The following ARHGAP10 variants were observed in gnomAD, a reference collection of about 807,000 sequenced individuals.
The protein encoded by ARHGAP10 is rho GTPase-activating protein 10.
ARHGAP10 carries 87 observed loss-of-function variants against 108.6 expected under a neutral mutation model. The observed-to-expected ratio is 0.80, with a 90% CI of 0.67 to 0.96. The LOEUF (loss-of-function observed/expected upper bound fraction) is 0.96. Among genes scored for constraint, ARHGAP10 ranks in the 40% least tolerant of loss-of-function variants. ARHGAP10 has a pLI of 0.00. For missense variants in ARHGAP10, 939 were observed against 954.5 expected (o/e 0.98, Z 0.21); for synonymous variants, 347 against 341.1 (o/e 1.02, Z -0.19).
chr4:147,788,352 C>T (rs752788180), intron 1 of ARHGAP10, among the ~76,000 whole-genome samples: 1 of 152,006 alleles, frequency 6.6e-6, no homozygotes, highest in Admixed American at 6.6e-5. Flanking sequence ...GAGGCTGGGA[C>T]AGGAGAATTG....
At chr4:147,789,304 G>A (rs1226353221) in intron 1 of ARHGAP10, among the ~76,000 whole-genome samples, 1 of 152,118 alleles carries the variant, frequency 6.6e-6, no homozygotes, top group African/African-American at 2.4e-5. Flanking sequence ...TTTTATTTAT[G>A]TTTGAGTCAG....
intron 13 of ARHGAP10, among the ~76,000 whole-genome samples, chr4:147,936,032 G>T (rs889600962): frequency 1.3e-5 from 2 of 152,080 alleles, no homozygotes; most frequent in Non-Finnish European, 2.9e-5. Flanking sequence ...AATTCAGGCC[G>T]TTTTCACAGA....
intron 22 of ARHGAP10, among the ~76,000 whole-genome samples, chr4:148,067,408 C>T (rs1729944625): frequency 6.6e-6 from 1 of 152,210 alleles, no homozygotes. Context: ...ATGGGGTCTT[C>T]CTGTCTGACA....
At chr4:147,969,180 G>T (rs1344381724) in intron 18 of ARHGAP10, among the ~76,000 whole-genome samples, 1 of 152,198 alleles carries the variant, frequency 6.6e-6, no homozygotes, top group Non-Finnish European at 1.5e-5. Flanking sequence ...GGTACTTGTT[G>T]CATTGGCTGT....
chr4:147,832,172 G>C (rs1285684055), intron 3 of ARHGAP10, among the ~76,000 whole-genome samples: 1 of 151,972 alleles, frequency 6.6e-6, no homozygotes, highest in Non-Finnish European at 1.5e-5. Flanking sequence ...GGAGTGATTC[G>C]ATTATTGGGA....
At chr4:147,808,188 C>T (rs182392877) in intron 1 of ARHGAP10, among the ~76,000 whole-genome samples, 4 of 152,194 alleles carry the variant, frequency 2.6e-5, no homozygotes, top group African/African-American at 4.8e-5. Flanking sequence ...CAAAGGCTGT[C>T]GGAGGTGAGC....
chr4:148,042,945 A>G (rs1360450392), intron 19 of ARHGAP10, among the ~76,000 whole-genome samples: 1 of 152,158 alleles, frequency 6.6e-6, no homozygotes, highest in Non-Finnish European at 1.5e-5. Context: ...GTGGCTCTCC[A>G]TGCTGATGCT....
chr4:147,918,896 C>G (rs974651886), intron 13 of ARHGAP10, among the ~76,000 whole-genome samples: 2 of 152,200 alleles, frequency 1.3e-5, no homozygotes, highest in Non-Finnish European at 2.9e-5. Flanking sequence ...AACACTTGCT[C>G]TATTAACTAT....
intron 11 of ARHGAP10, among the ~76,000 whole-genome samples, chr4:147,908,834 C>T (rs1675253600): frequency 6.6e-6 from 1 of 152,154 alleles, no homozygotes; most frequent in Non-Finnish European, 1.5e-5. Flanking sequence ...AAGGACCCTG[C>T]CCCCTTTATC....
At chr4:148,034,484 AT>A (rs76525018) in intron 19 of ARHGAP10, among the ~76,000 whole-genome samples, 2,527 of 139,046 alleles carry the variant, frequency 0.018, 35 homozygotes, top group African/African-American at 0.042. Flanking sequence ...CTCCCGGCTA[AT>A]TTTTTTTTTT....
chr4:147,907,768 C>T (rs1378798959), intron 11 of ARHGAP10, among the ~76,000 whole-genome samples: 2 of 152,110 alleles, frequency 1.3e-5, no homozygotes, highest in African/African-American at 4.8e-5. Context: ...ACACCACCCC[C>T]GCCAAAAACA....
chr4:147,815,545 G>A (rs1167763776), intron 1 of ARHGAP10, among the ~76,000 whole-genome samples: 3 of 152,144 alleles, frequency 2.0e-5, no homozygotes, highest in African/African-American at 7.2e-5. Flanking sequence ...TTAAAAGAGA[G>A]AAGAGATGTG....
intron 18 of ARHGAP10, among the ~76,000 whole-genome samples, chr4:148,012,821 C>T (rs1741215720): frequency 6.6e-6 from 1 of 151,762 alleles, no homozygotes; most frequent in Admixed American, 6.6e-5. Context: ...TGTTTTCTTC[C>T]TTATGATGAC....
intron 18 of ARHGAP10, among the ~76,000 whole-genome samples, chr4:147,992,157 G>C (rs1324708026): frequency 1.3e-5 from 2 of 152,152 alleles, no homozygotes; most frequent in Non-Finnish European, 2.9e-5. Flanking sequence ...TTCTCTTTGA[G>C]AGTGACCCTG....
intron 18 of ARHGAP10, among the ~76,000 whole-genome samples, chr4:147,990,312 T>C (rs1740218625): frequency 6.6e-6 from 1 of 152,236 alleles, no homozygotes; most frequent in Admixed American, 6.5e-5. Context: ...AGTAACATCC[T>C]ACCTAACTAA....
intron 1 of ARHGAP10, among the ~76,000 whole-genome samples, chr4:147,742,740 C>A (rs988533975): frequency 2.1e-4 from 32 of 151,966 alleles, no homozygotes; most frequent in Non-Finnish European, 2.9e-5. Context: ...CTCTCTCGGC[C>A]TCCCAAAGTT....
At chr4:147,848,956 A>G (rs1030077239) in intron 4 of ARHGAP10, among the ~76,000 whole-genome samples, 2 of 152,152 alleles carry the variant, frequency 1.3e-5, no homozygotes, top group African/African-American at 2.4e-5. Context: ...CTGAAGTCCT[A>G]TTTCTGTATC....
intron 3 of ARHGAP10, among the ~76,000 whole-genome samples, chr4:147,832,359 A>C (rs1732985337): frequency 6.6e-6 from 1 of 151,288 alleles, no homozygotes; most frequent in African/African-American, 2.4e-5. Flanking sequence ...TTTTTTTTAA[A>C]AAGAGGAGTC....
At chr4:148,031,326 A>G (rs1270272370) in intron 19 of ARHGAP10, among the ~76,000 whole-genome samples, 1 of 152,194 alleles carries the variant, frequency 6.6e-6, no homozygotes, top group Non-Finnish European at 1.5e-5. Flanking sequence ...ATGTATTAGC[A>G]TATTATATAC....
Sources: gnomAD v4.1 joint callset for allele counts (sites outside exome capture counted in the v4.1 genomes callset) on GRCh38, gnomAD v4.1.1 for gene constraint, MANE v1.5 for transcripts, NCBI Gene and HGNC (gene_info 2026-07-23, HGNC 2026-07-21) for gene names.